RBFOX1: variants seen among roughly 807,000 people sequenced by gnomAD.
The protein encoded by RBFOX1 is RNA binding protein fox-1 homolog 1.
Under a neutral mutation model 57.7 loss-of-function variants are expected in RBFOX1, and 8 were observed. The observed-to-expected ratio is 0.14, with a 90% CI of 0.08 to 0.25. The LOEUF (loss-of-function observed/expected upper bound fraction) is 0.25. Ranked by LOEUF, RBFOX1 falls within the 10% of genes least tolerant of loss-of-function variation. RBFOX1 has a pLI of 1.00. For missense variants in RBFOX1, 611 were observed against 548.5 expected (o/e 1.11, Z -1.14); for synonymous variants, 326 against 222.4 (o/e 1.47, Z -4.15).
At chr16:6,531,323 A>G (rs2096655100) in intron 2 of RBFOX1, among the ~76,000 whole-genome samples, 1 of 152,160 alleles carries the variant, frequency 6.6e-6, no homozygotes, top group Non-Finnish European at 1.5e-5. Context: ...ATTTGCAGGT[A>G]CTTCACTTAG....
chr16:5,455,017 T>C (rs1318998317), intron 1 of RBFOX1, among the ~76,000 whole-genome samples: 189 of 116,654 alleles, frequency 1.6e-3, no homozygotes, highest in African/African-American at 5.6e-3. Flanking sequence ...CTTTCTTTCT[T>C]TCTTTCTCTC....
At chr16:5,743,393 G>C (rs1201678424) in intron 3 of RBFOX1, among the ~76,000 whole-genome samples, 1 of 152,110 alleles carries the variant, frequency 6.6e-6, no homozygotes, top group Non-Finnish European at 1.5e-5. Context: ...AACCAAATGA[G>C]ACCTTTGCAG....
At chr16:6,643,733 C>G (rs1174564032) in intron 2 of RBFOX1, among the ~76,000 whole-genome samples, 7 of 152,118 alleles carry the variant, frequency 4.6e-5, no homozygotes, top group Non-Finnish European at 8.8e-5. Flanking sequence ...TCCCTACACT[C>G]TAAAACTCAG....
chr16:6,124,301 A>G (rs1385057036), intron 1 of RBFOX1, among the ~76,000 whole-genome samples: 1 of 152,110 alleles, frequency 6.6e-6, no homozygotes, highest in Non-Finnish European at 1.5e-5. Context: ...GGCCCTACAG[A>G]AGCTTGCAGT....
chr16:6,000,948 G>T, intron 4 of RBFOX1, among the ~76,000 whole-genome samples: 1 of 151,704 alleles, frequency 6.6e-6, no homozygotes, highest in South Asian at 2.1e-4. Context: ...TGGATGGGTA[G>T]ATGAATGAGT....
At chr16:6,599,592 T>C (rs997707412) in intron 2 of RBFOX1, among the ~76,000 whole-genome samples, 1 of 152,172 alleles carries the variant, frequency 6.6e-6, no homozygotes, top group Non-Finnish European at 1.5e-5. Flanking sequence ...AAAAACTTGA[T>C]TTTCCCCCGT....
chr16:5,993,652 C>T (rs929823551), intron 4 of RBFOX1, among the ~76,000 whole-genome samples: 3 of 152,120 alleles, frequency 2.0e-5, no homozygotes, highest in African/African-American at 7.2e-5. Flanking sequence ...ATCAAGGAGC[C>T]ATAATCAAGA....
chr16:6,424,633 G>A (rs181458382), intron 2 of RBFOX1, among the ~76,000 whole-genome samples: 13 of 152,234 alleles, frequency 8.5e-5, no homozygotes, highest in South Asian at 8.3e-4. Context: ...GTGTGTGAAC[G>A]TGGGGAGATA....
chr16:6,183,542 A>G (rs891687412), intron 1 of RBFOX1, among the ~76,000 whole-genome samples: 4 of 151,876 alleles, frequency 2.6e-5, no homozygotes, highest in African/African-American at 7.3e-5. Flanking sequence ...GGAGAATAGG[A>G]TATGTTCGAT....
intron 2 of RBFOX1, among the ~76,000 whole-genome samples, chr16:6,506,692 G>T (rs2096103532): frequency 1.6e-5 from 2 of 124,434 alleles, no homozygotes; most frequent in African/African-American, 6.3e-5. Context: ...TTGTCTCCCA[G>T]GCTGGAGTAC....
intron 2 of RBFOX1, among the ~76,000 whole-genome samples, chr16:6,625,917 A>G (rs867684203): frequency 2.6e-5 from 4 of 152,170 alleles, no homozygotes; most frequent in South Asian, 4.1e-4. Flanking sequence ...GATCCCATGT[A>G]AAGTTTACGT....
rs116522338 is a variant in RBFOX1, at chr16:5,578,817, T to C, written c.259-20085T>C. On this transcript the variant is annotated intron_variant, in intron 2 of 2. Transcript: ENST00000585867. ...CTTCAATCCCAAAAGTACTAGCGCA[T>C]GAAACCTCCACACACACACACACAC... 4.4e-3 allele frequency among the ~76,000 whole-genome samples: 660 copies of C among 149,116 alleles called. 8 individuals carry two copies. The highest frequency in any genetic ancestry group is 0.015 in the African/African-American group (614 of 40,316).
At chr16:6,115,169 C>T (rs1199819221) in intron 1 of RBFOX1, among the ~76,000 whole-genome samples, 1 of 152,134 alleles carries the variant, frequency 6.6e-6, no homozygotes, top group Non-Finnish European at 1.5e-5. Flanking sequence ...TTACTAGTTC[C>T]TGCCATTTTA....
chr16:5,414,182 C>G (rs1049563770), intron 1 of RBFOX1, among the ~76,000 whole-genome samples: 12 of 152,106 alleles, frequency 7.9e-5, no homozygotes, highest in African/African-American at 2.9e-4. Flanking sequence ...CAAGGGTGAT[C>G]ACTTGATTGG....
chr16:7,276,177 C>G (rs1405926298), intron 4 of RBFOX1, among the ~76,000 whole-genome samples: 1 of 152,194 alleles, frequency 6.6e-6, no homozygotes, highest in Non-Finnish European at 1.5e-5. Flanking sequence ...AAGGACCATG[C>G]CAAGTCTGAA....
At chr16:7,193,924 G>T (rs547022946) in intron 4 of RBFOX1, among the ~76,000 whole-genome samples, 1 of 151,802 alleles carries the variant, frequency 6.6e-6, no homozygotes, top group African/African-American at 2.4e-5. Flanking sequence ...AGTAGCAGTT[G>T]AAAATATAGT....
chr16:5,351,504 A>T (rs1255189510), intron 1 of RBFOX1, among the ~76,000 whole-genome samples: 1 of 152,204 alleles, frequency 6.6e-6, no homozygotes, highest in Non-Finnish European at 1.5e-5. Flanking sequence ...GATGGGTCTC[A>T]GGAGGAGGGT....
intron 3 of RBFOX1, among the ~76,000 whole-genome samples, chr16:5,781,593 C>T (rs1008470465): frequency 6.6e-6 from 1 of 152,228 alleles, no homozygotes; most frequent in East Asian, 1.9e-4. Context: ...GACTCCGCCG[C>T]AACCATCAAC....
At chr16:6,488,489 TTCTTAC>T in intron 2 of RBFOX1, among the ~76,000 whole-genome samples, 1 of 152,212 alleles carries the variant, frequency 6.6e-6, no homozygotes, top group East Asian at 1.9e-4. Context: ...ATTTTCTCTG[TTCTTAC>T]AACTCTGCAA....
Sources: gnomAD v4.1 joint callset for allele counts (sites outside exome capture counted in the v4.1 genomes callset) on GRCh38, gnomAD v4.1.1 for gene constraint, MANE v1.5 for transcripts, NCBI Gene and HGNC (gene_info 2026-07-23, HGNC 2026-07-21) for gene names.